The following E2F3 variants were observed in gnomAD, a reference collection of about 807,000 sequenced individuals.
The protein encoded by E2F3 is transcription factor E2F3.
E2F3 carries 11 observed loss-of-function variants against 44.4 expected under a neutral mutation model. That is an observed-to-expected ratio of 0.25 (90% CI 0.16 to 0.41). E2F3 has a LOEUF of 0.41. Among genes scored for constraint, E2F3 ranks in the 10% least tolerant of loss-of-function variants. E2F3 has a pLI of 1.00. For synonymous variants in E2F3, 249 were observed against 253.0 expected, an observed-to-expected ratio of 0.98 and a Z score of 0.15; for missense variants, 487 against 583.6, an observed-to-expected ratio of 0.83 and a Z score of 1.70.
At chr6:20,405,804 A>C (rs1416134257) in intron 1 of E2F3, among the ~76,000 whole-genome samples, 3 of 152,072 alleles carry the variant, frequency 2.0e-5, no homozygotes, top group Non-Finnish European at 2.9e-5. Context: ...GCCTGGCGGC[A>C]GAGCGAGATT....
chr6:20,415,046 C>A (rs1266965407), intron 1 of E2F3, among the ~76,000 whole-genome samples: 1 of 152,206 alleles, frequency 6.6e-6, no homozygotes, highest in Non-Finnish European at 1.5e-5. Context: ...GGTAGGAACT[C>A]TTGAGTACTT....
At position 20,420,645 on chromosome 6, in the gene E2F3, AT is replaced by A. The variant is rs375058652; in HGVS notation, c.393+18022del. Among the ~76,000 whole-genome samples the A allele has an allele frequency of 2.5e-3, 387 of 152,340 alleles. 3 individuals carry two copies. The highest frequency in any genetic ancestry group is 8.1e-3 in the African/African-American group (336 of 41,578). ...CATTATATCAAAAACCAACGTACAT[AT>A]TCTTAACTTAAAAATACTATATTGC... On this transcript the variant is annotated intron_variant, in intron 1 of 6. Transcript: ENST00000346618.
intron 1 of E2F3, among the ~76,000 whole-genome samples, chr6:20,422,197 A>G (rs537709811): frequency 2.0e-5 from 3 of 152,302 alleles, no homozygotes; most frequent in African/African-American, 7.2e-5. Context: ...TTCGCGTTGC[A>G]CTTTTATGAT....
intron 1 of E2F3, among the ~76,000 whole-genome samples, chr6:20,470,885 C>A (rs1290172542): frequency 6.6e-6 from 1 of 152,174 alleles, no homozygotes; most frequent in Non-Finnish European, 1.5e-5. Flanking sequence ...CTGTTTTGAA[C>A]CCGTACATAT....
At chr6:20,443,616 T>C (rs1760843974) in intron 1 of E2F3, among the ~76,000 whole-genome samples, 1 of 152,064 alleles carries the variant, frequency 6.6e-6, no homozygotes, top group Non-Finnish European at 1.5e-5. Flanking sequence ...ACGCCTGTAG[T>C]CTTAGTTACT....
Position 20,490,209 on chromosome 6 carries a change from T to C in E2F3, c.1177T>C (p.Ser393Pro), listed in dbSNP as rs2127629159. The C allele has an allele frequency of 6.2e-7, 1 of 1,613,994 alleles. No individual in the cohort carries two copies. Among genetic ancestry groups the C allele is most frequent in the Non-Finnish European group, 8.5e-7 (1 of 1,179,956 alleles). ...TNSGHSDCSV[S>P]MGNLSPLASP... The stretch of plus-strand genomic sequence containing the variant: ...CTCAGGACATAGCGATTGCTCAGTT[T>C]CTATGGGAAACCTTTCTCCTCTGGC... Residue 393 changes from serine to proline, a missense_variant, in exon 7 of 7, where the codon TCT (serine) becomes CCT (proline). By Grantham distance (74) the Ser-to-Pro change is moderately conservative. This residue lies in a region of E2F3 where 220 missense variants were observed against 261.7 expected (regional missense o/e 0.84). Coordinates refer to ENST00000346618, the MANE Select transcript of E2F3 (RefSeq NM_001949.5). The surrounding 1 kb of genome is among the most constrained non-coding windows in gnomAD (Gnocchi z 4.3).
intron 1 of E2F3, among the ~76,000 whole-genome samples, chr6:20,454,101 A>G (rs527716081): frequency 2.0e-5 from 3 of 152,326 alleles, no homozygotes; most frequent in Non-Finnish European, 4.4e-5. Context: ...CTGAAGAAAC[A>G]TTTCTTGTTA....
intron 2 of E2F3, 120 bp downstream of exon 2, chr6:20,480,077 T>G: frequency 6.9e-7 from 1 of 1,439,888 alleles, no homozygotes; most frequent in South Asian, 1.5e-5. Flanking sequence ...TCTTTTTCAT[T>G]TCTTTCTGTG....
intron 2 of E2F3, 40 bp downstream of exon 2, chr6:20,479,997 T>C: frequency 6.4e-7 from 1 of 1,561,074 alleles, no homozygotes; most frequent in Non-Finnish European, 8.7e-7. Context: ...CTCCTTGGTA[T>C]GGCATTTCCA....
At chr6:20,428,468 C>G (rs1211049677) in intron 1 of E2F3, among the ~76,000 whole-genome samples, 1 of 152,184 alleles carries the variant, frequency 6.6e-6, no homozygotes, top group Non-Finnish European at 1.5e-5. Flanking sequence ...AGTGATCCAC[C>G]TGCCTCGGCC....
chr6:20,466,548 AT>A (rs768757302), intron 1 of E2F3, among the ~76,000 whole-genome samples: 2 of 151,618 alleles, frequency 1.3e-5, no homozygotes, highest in African/African-American at 4.8e-5. Context: ...TTTTGGTGGG[AT>A]TTTTTGGGTT....
chr6:20,421,429 A>T (rs769455640), intron 1 of E2F3, among the ~76,000 whole-genome samples: 1 of 152,204 alleles, frequency 6.6e-6, no homozygotes, highest in Non-Finnish European at 1.5e-5. Context: ...TTACTCCTTG[A>T]TTTATGGGCT....
At chr6:20,486,262 C>G (rs1033680553) in intron 4 of E2F3, among the ~76,000 whole-genome samples, 1 of 152,098 alleles carries the variant, frequency 6.6e-6, no homozygotes. Context: ...TTTGCACATC[C>G]AGAAGGGGAG....
intron 4 of E2F3, among the ~76,000 whole-genome samples, chr6:20,483,298 C>T (rs1308857273): frequency 2.0e-5 from 3 of 152,142 alleles, no homozygotes; most frequent in African/African-American, 4.8e-5. Context: ...TAAGCAGATT[C>T]GTCTTTGGCT....
At chr6:20,452,909 G>A (rs549260000) in intron 1 of E2F3, among the ~76,000 whole-genome samples, 46 of 152,114 alleles carry the variant, frequency 3.0e-4, no homozygotes, top group Non-Finnish European at 4.6e-4. Context: ...AGCCGAGATC[G>A]CACCACTGTA....
At chr6:20,448,719 A>T (rs1761031650) in intron 1 of E2F3, among the ~76,000 whole-genome samples, 1 of 152,128 alleles carries the variant, frequency 6.6e-6, no homozygotes, top group African/African-American at 2.4e-5. Flanking sequence ...TGATCTGAGG[A>T]ATTTTATATT....
At chr6:20,424,387 G>A (rs1308857239) in intron 1 of E2F3, among the ~76,000 whole-genome samples, 3 of 72,160 alleles carry the variant, frequency 4.2e-5, no homozygotes, top group Non-Finnish European at 7.0e-5. Context: ...GTGTGTATGT[G>A]TGTGTGTGTG....
At position 20,490,516 on chromosome 6, in the gene E2F3, A is replaced by G. The variant is rs1474606537; in HGVS notation, c.*86A>G. ...CTGTCATGCAGTGTTGTCCCTTCCT[A>G]CCTTCTTCCTCCAAGAGAGTATCAT... On this transcript the variant is annotated 3_prime_UTR_variant, in exon 7 of 7. Transcript: ENST00000346618. This position sits in a 1 kb window ranked among gnomAD's most constrained non-coding sequence, Gnocchi z 4.3. 3 of 1,333,230 alleles carry G rather than the reference A, an allele frequency of 2.3e-6. No individual in the cohort carries two copies. In the African/African-American group the frequency reaches 4.5e-5, roughly 20 times the overall value. 82.6% of individuals were successfully genotyped at this position (1,333,230 alleles called of 1,614,324 possible). A position where few individuals can be genotyped will look rare whatever the true frequency, so the allele number is the denominator to read the frequency against.
At chr6:20,415,776 T>C (rs1283828507) in intron 1 of E2F3, among the ~76,000 whole-genome samples, 1 of 152,200 alleles carries the variant, frequency 6.6e-6, no homozygotes, top group Non-Finnish European at 1.5e-5. Flanking sequence ...TTGGTAGTGC[T>C]CTGTGCAGGC....
Sources: allele counts gnomAD v4.1 joint callset (sites outside exome capture counted in the v4.1 genomes callset), GRCh38; gene constraint gnomAD v4.1.1; regional missense constraint gnomAD v4.1.1; non-coding constraint Gnocchi (gnomAD v3.1); transcripts MANE v1.5; gene names NCBI Gene and HGNC (gene_info 2026-07-23, HGNC 2026-07-21).